SAP130: variants seen among roughly 807,000 people sequenced by gnomAD.
The protein encoded by SAP130 is Sin3A associated protein 130.
SAP130 carries 16 observed loss-of-function variants against 103.2 expected under a neutral mutation model. The observed-to-expected ratio is 0.16, with a 90% CI of 0.10 to 0.24. SAP130 has a LOEUF of 0.24. Among genes scored for constraint, SAP130 ranks in the 10% least tolerant of loss-of-function variants. The pLI, the probability that SAP130 is intolerant of heterozygous loss-of-function variation, is 1.00. For synonymous variants in SAP130, 477 were observed against 497.0 expected (o/e 0.96, Z 0.53); for missense variants, 990 against 1,359.7 (o/e 0.73, Z 4.28).
At chr2:127,947,915 G>C (rs1298300994) in intron 18 of SAP130, among the ~76,000 whole-genome samples, 1 of 152,064 alleles carries the variant, frequency 6.6e-6, no homozygotes, top group Admixed American at 6.6e-5. Context: ...TCAGCCTCCT[G>C]AATAGTTGAA....
At position 127,989,282 on chromosome 2, in the gene SAP130, G is replaced by T. The variant is rs925953802; in HGVS notation, c.1780+282C>A. ...CCTGGCTAATTTTTTTGTATTTTTA[G>T]TAGACAGGGTTTTACCACGTTAGCC... On this transcript the variant is annotated intron_variant, in intron 13 of 20. Coordinates refer to ENST00000643581, the MANE Select transcript of SAP130 (RefSeq NM_001330301.2). The surrounding 1 kb of genome is among the most constrained non-coding windows in gnomAD (Gnocchi z 4.6). Among the ~76,000 whole-genome samples the T allele has an allele frequency of 4.6e-5, 7 of 151,686 alleles. No homozygotes were observed. The highest frequency in any genetic ancestry group is 1.0e-4 in the Non-Finnish European group (7 of 67,966).
At chr2:127,954,959 T>C in intron 16 of SAP130, 27 bp downstream of exon 16, 1 of 1,507,208 alleles carries the variant, frequency 6.6e-7, no homozygotes, top group Non-Finnish European at 9.1e-7. Flanking sequence ...CAATTGCCAA[T>C]GGAGAGTATT....
At chr2:127,970,704 C>G (rs1184852094) in intron 15 of SAP130, among the ~76,000 whole-genome samples, 1 of 151,736 alleles carries the variant, frequency 6.6e-6, no homozygotes, top group African/African-American at 2.4e-5. Flanking sequence ...CCAAACAAAA[C>G]AAAACAAAAC....
At chr2:127,964,736 G>A (rs933816568) in intron 15 of SAP130, among the ~76,000 whole-genome samples, 7 of 151,994 alleles carry the variant, frequency 4.6e-5, no homozygotes, top group African/African-American at 1.4e-4. Flanking sequence ...GGTGGCTCAC[G>A]CCTGTAATGC....
In SAP130 at chr2:127,942,598, G is replaced by C; in HGVS notation, c.2902-61C>G. 1 of 1,013,822 alleles carries C rather than the reference G, an allele frequency of 9.9e-7. No individual in the cohort carries two copies. The highest frequency in any genetic ancestry group is 2.4e-5 in the East Asian group (1 of 42,042). The allele number at this position is 1,013,822 out of a possible 1,614,324, so 62.8% of individuals were successfully genotyped here. A position where few individuals can be genotyped will look rare whatever the true frequency, so the allele number is the denominator to read the frequency against. ...GAAATATTTTTCTATGTCAACCCCAGGCAAATGAACCCACCTTCAATCACC... is the reference window on the plus strand; with the variant it reads ...GAAATATTTTTCTATGTCAACCCCACGCAAATGAACCCACCTTCAATCACC... On this transcript the variant is annotated intron_variant, in intron 19 of 20. Coordinates refer to ENST00000643581, the MANE Select transcript of SAP130 (RefSeq NM_001330301.2). The surrounding 1 kb of genome is among the most constrained non-coding windows in gnomAD (Gnocchi z 4.8).
intron 15 of SAP130, among the ~76,000 whole-genome samples, chr2:127,968,052 T>C (rs1029174968): frequency 1.3e-5 from 2 of 151,734 alleles, no homozygotes; most frequent in Non-Finnish European, 2.9e-5. Flanking sequence ...TTTGAACATA[T>C]GCAGAACACT....
At chr2:127,946,026 C>T (rs1039093033) in intron 18 of SAP130, among the ~76,000 whole-genome samples, 1 of 152,172 alleles carries the variant, frequency 6.6e-6, no homozygotes, top group Non-Finnish European at 1.5e-5. Flanking sequence ...GCTGCTTACT[C>T]CCCTCCTTTA....
chr2:128,009,282 C>A (rs538100834), intron 7 of SAP130, among the ~76,000 whole-genome samples: 1 of 151,986 alleles, frequency 6.6e-6, no homozygotes, highest in Non-Finnish European at 1.5e-5. Context: ...CCAACCTGGG[C>A]AACAAAGTGA....
rs2105282213 is a variant in SAP130, at chr2:128,028,000, C to T, written c.-67G>A. On this transcript the variant is annotated 5_prime_UTR_variant, in exon 1 of 21. Transcript: ENST00000643581. ...GAGCTCGCTCCCGCGCGCTCTCCGT[C>T]TGTGGGGCCGACGTCCCCAGGCTCC... is the stretch of plus-strand genomic sequence containing the variant. The T allele has an allele frequency of 3.0e-6, 3 of 985,712 alleles. No homozygotes were observed. Among genetic ancestry groups the T allele is most frequent in the Admixed American group, 1.2e-4 (2 of 16,298 alleles). The allele number at this position is 985,712 out of a possible 1,614,324, so 61.1% of individuals were successfully genotyped here.
chr2:128,024,099 AAT>A (rs1204140464), intron 2 of SAP130, among the ~76,000 whole-genome samples: 1 of 152,194 alleles, frequency 6.6e-6, no homozygotes, highest in African/African-American at 2.4e-5. Context: ...TTTATTTAGA[AAT>A]ATGAGTAGAT....
At chr2:127,984,117 T>C (rs1682191072) in intron 14 of SAP130, among the ~76,000 whole-genome samples, 1 of 152,204 alleles carries the variant, frequency 6.6e-6, no homozygotes, top group African/African-American at 2.4e-5. Flanking sequence ...GTCTTTTTGT[T>C]CCACGTTTGA....
At chr2:127,952,828 T>C (rs1184859204) in intron 16 of SAP130, among the ~76,000 whole-genome samples, 1 of 152,204 alleles carries the variant, frequency 6.6e-6, no homozygotes, top group Admixed American at 6.5e-5. Context: ...CCTCCTTTGC[T>C]GGACTTTACT....
At chr2:128,025,417 A>G (rs1049716440) in intron 2 of SAP130, among the ~76,000 whole-genome samples, 3 of 152,242 alleles carry the variant, frequency 2.0e-5, no homozygotes, top group Non-Finnish European at 2.9e-5. Flanking sequence ...CTCAAAGGGT[A>G]TAAGACTAAA....
In SAP130 at chr2:127,970,959, T is replaced by C. The variant is rs114009223; in HGVS notation, c.2063+7026A>G. Among the ~76,000 whole-genome samples the C allele has an allele frequency of 5.4e-3, 791 of 147,508 alleles. 6 individuals are homozygous for C. The highest frequency in any genetic ancestry group is 0.017 in the African/African-American group (686 of 40,620). On this transcript the variant is annotated intron_variant, in intron 15 of 20. Coordinates refer to ENST00000643581, the MANE Select transcript of SAP130 (RefSeq NM_001330301.2). The stretch of plus-strand genomic sequence containing the variant: ...TGGTTTTTCTTTTATCTTTCTCTCT[T>C]TTTTTTTTTTAGACAGGTTCTTATT...
At chr2:127,981,312 ACCC>A (rs1440029578) in intron 14 of SAP130, among the ~76,000 whole-genome samples, 1 of 103,566 alleles carries the variant, frequency 9.7e-6, no homozygotes, top group Non-Finnish European at 2.0e-5. Flanking sequence ...GTCCTCCTGC[ACCC>A]CCAATTCAGC....
At position 127,977,842 on chromosome 2, in the gene SAP130, T is replaced by G. The variant is rs1681579867; in HGVS notation, c.2063+143A>C. On this transcript the variant is annotated intron_variant, in intron 15 of 20. Coordinates refer to ENST00000643581, the MANE Select transcript of SAP130 (RefSeq NM_001330301.2). ...GGCTGTCGTGTGTTACAATTTTCTA[T>G]GATGGCGGCTGAGAATAGCCACTGC... is the stretch of plus-strand genomic sequence containing the variant. The G allele has an allele frequency of 4.7e-6, 3 of 641,322 alleles. No homozygotes were observed. The South Asian group carries it at 5.5e-5, about 12-fold the overall frequency. The allele number at this position is 641,322 out of a possible 1,614,324, so 39.7% of individuals were successfully genotyped here. A position where few individuals can be genotyped will look rare whatever the true frequency, so the allele number is the denominator to read the frequency against.
In SAP130 at chr2:127,996,522, A is replaced by G; in HGVS notation, c.1214-31T>C. On this transcript the variant is annotated intron_variant, in intron 10 of 20. Transcript: ENST00000643581. This position sits in a 1 kb window ranked among gnomAD's most constrained non-coding sequence, Gnocchi z 4.3. Reference sequence around the variant, plus strand: ...AACAGTAAATGCCAATTCCATGACCATTCTACACTTTTTTTTGGCATGCCA... The same window carrying G: ...AACAGTAAATGCCAATTCCATGACCGTTCTACACTTTTTTTTGGCATGCCA... The G allele has an allele frequency of 7.0e-7, 1 of 1,433,472 alleles. No homozygotes were observed. Among genetic ancestry groups the G allele is most frequent in the Non-Finnish European group, 9.3e-7 (1 of 1,079,526 alleles). 88.8% of individuals were successfully genotyped at this position (1,433,472 alleles called of 1,614,324 possible). A position where few individuals can be genotyped will look rare whatever the true frequency, so the allele number is the denominator to read the frequency against.
intron 2 of SAP130, among the ~76,000 whole-genome samples, chr2:128,024,598 T>A (rs1183641198): frequency 6.6e-6 from 1 of 151,646 alleles, no homozygotes; most frequent in Non-Finnish European, 1.5e-5. Context: ...TGGTGGCTCA[T>A]GCCTGTAATC....
rs145743877 is a variant in SAP130 at position 127,957,455 on chromosome 2, G to A, written c.2064-2111C>T. Among the ~76,000 whole-genome samples the A allele has an allele frequency of 8.9e-3, 1,356 of 152,256 alleles. 12 individuals carry two copies. The highest frequency in any genetic ancestry group is 0.017 in the South Asian group (84 of 4,818). On this transcript the variant is annotated intron_variant, in intron 15 of 20. Coordinates refer to ENST00000643581, the MANE Select transcript of SAP130 (RefSeq NM_001330301.2). ...TTTGGGAGGCCATGGCAGGAAGATC[G>A]CTTGAGCCCAGGAATTTGACACCAG...
Sources: allele counts gnomAD v4.1 joint callset (sites outside exome capture counted in the v4.1 genomes callset), GRCh38; gene constraint gnomAD v4.1.1; non-coding constraint Gnocchi (gnomAD v3.1); transcripts MANE v1.5; gene names NCBI Gene and HGNC (gene_info 2026-07-23, HGNC 2026-07-21).